Variants in CCDC61 observed in about 807,000 individuals in gnomAD.
CCDC61 encodes the protein coiled-coil domain containing 61.
Under a neutral mutation model 63.0 loss-of-function variants are expected in CCDC61, and 55 were observed. The ratio of observed to expected loss-of-function variants is 0.87; its 90% confidence interval spans 0.70 to 1.09. CCDC61 has a LOEUF of 1.09. Ranked by LOEUF, CCDC61 falls within the 50% of genes least tolerant of loss-of-function variation. CCDC61 has a pLI of 0.00. For missense variants in CCDC61, 651 were observed against 731.4 expected, an observed-to-expected ratio of 0.89 and a Z score of 1.27; for synonymous variants, 270 against 317.0, an observed-to-expected ratio of 0.85 and a Z score of 1.58.
At chr19:46,012,723 C>T (rs768580002) in intron 5 of CCDC61, among the ~76,000 whole-genome samples, 2 of 152,096 alleles carry the variant, frequency 1.3e-5, no homozygotes, top group Non-Finnish European at 2.9e-5. Context: ...CGGGAGAGAC[C>T]CTCCTGCCCC....
chr19:46,017,258 G>T lies in CCDC61; in HGVS notation c.1322G>T (p.Arg441Leu), dbSNP rs765485023. Residue 441 changes from arginine (R) to leucine (L), a missense_variant, in exon 12 of 14, where the codon CGC (arginine) becomes CTC (leucine). Arg to Leu is a moderately radical substitution (Grantham distance 102). Transcript: ENST00000595358. ...SESLSRGGHR[R>L]RGKPPSPTPW... ...CTCCTTTTTCTCAGGGGTCACCGCC[G>T]CCGTGGGAAGCCTCCCAGCCCAACG... 9.5e-5 allele frequency: 148 copies of T among 1,564,396 alleles called. No individual in the cohort carries two copies. The highest frequency in any genetic ancestry group is 1.2e-4 in the Non-Finnish European group (140 of 1,154,128).
At position 46,018,227 on chromosome 19, in the gene CCDC61, G is replaced by C. The variant is rs765765329; in HGVS notation, c.1442-63G>C. 1 of 1,542,676 alleles carries C rather than the reference G, an allele frequency of 6.5e-7. No homozygotes were observed. Among genetic ancestry groups the C allele is most frequent in the South Asian group, 1.2e-5 (1 of 84,194 alleles). Reference sequence around the variant, plus strand: ...GGTAGTGCGGGCAGTGGTATATTGGGCCCAGGAACTCCCTGGGGCTTCAGG... The same window carrying C: ...GGTAGTGCGGGCAGTGGTATATTGGCCCCAGGAACTCCCTGGGGCTTCAGG... On this transcript the variant is annotated intron_variant, in intron 13 of 13. Transcript: ENST00000595358. This position sits in a 1 kb window ranked among gnomAD's most constrained non-coding sequence, Gnocchi z 4.2.
chr19:46,004,445 A>G (rs1003738912), intron 3 of CCDC61, among the ~76,000 whole-genome samples: 4 of 152,114 alleles, frequency 2.6e-5, no homozygotes, highest in African/African-American at 9.7e-5. Flanking sequence ...GAAAAAATAC[A>G]TAATGTCAGG....
Position 46,017,024 on chromosome 19 carries a change from G to A in CCDC61, c.1265G>A (p.Ser422Asn). ...TTCCGCAGCCGCTGCTCGTCTGCCA[G>A]CTCCTGCAGCGATTTGGAGGATTTC... ...DSFRSRCSSA[S>N]SCSDLEDFSE... is the part of the protein sequence containing the mutation. Residue 422 changes from serine to asparagine, a missense_variant, in exon 11 of 14, where the codon AGC becomes AAC. Transcript: ENST00000595358. 1 of 1,612,660 alleles carries A rather than the reference G, an allele frequency of 6.2e-7. No individual in the cohort carries two copies. Among genetic ancestry groups the A allele is most frequent in the East Asian group, 2.2e-5 (1 of 44,874 alleles).
At chr19:46,004,835 CTTTT>C (rs748867869) in intron 3 of CCDC61, among the ~76,000 whole-genome samples, 36 of 95,264 alleles carry the variant, frequency 3.8e-4, no homozygotes, top group East Asian at 6.7e-4. Flanking sequence ...ATTTAGATAT[CTTTT>C]TTTTTTTTTT....
At chr19:46,003,528 T>C in intron 3 of CCDC61, 27 bp downstream of exon 3, 1 of 883,180 alleles carries the variant, frequency 1.1e-6, no homozygotes, top group Non-Finnish European at 1.7e-6. Flanking sequence ...CGGGTTGGGG[T>C]GGGAGGGGGG....
chr19:46,008,301 AGT>A lies in CCDC61; in HGVS notation c.551+2_551+3del. The A allele has an allele frequency of 2.3e-6, 3 of 1,308,842 alleles. No individual in the cohort carries two copies. Among genetic ancestry groups the A allele is most frequent in the South Asian group, 2.4e-5 (2 of 82,784 alleles). 81.1% of individuals were successfully genotyped at this position (1,308,842 alleles called of 1,614,324 possible). ...AATGAGATCTGGCATCTGCGGGAGC[AGT>A]GAGTCTTGGAGGGGTGGGCAGCTGG... On this transcript the variant is annotated splice_donor_variant, in intron 5 of 13. Transcript: ENST00000595358. LOFTEE classifies it high-confidence loss of function.
chr19:46,005,757 C>G (rs535426754), intron 3 of CCDC61, among the ~76,000 whole-genome samples: 5 of 150,510 alleles, frequency 3.3e-5, no homozygotes, highest in African/African-American at 1.2e-4. Flanking sequence ...CCAGATAGCC[C>G]GAGTCTAAAT....
At chr19:46,004,402 C>T (rs527448323) in intron 3 of CCDC61, among the ~76,000 whole-genome samples, 2 of 152,296 alleles carry the variant, frequency 1.3e-5, no homozygotes, top group South Asian at 4.1e-4. Context: ...CCCCTGTCCT[C>T]ATGAGGCTGA....
Position 46,010,726 on chromosome 19 carries a change from C to G in CCDC61, c.551+2425C>G, listed in dbSNP as rs1968811739. 1.3e-5 allele frequency among the ~76,000 whole-genome samples: 2 copies of G among 152,238 alleles called. 1 individual carries two copies. Among genetic ancestry groups the G allele is most frequent in the South Asian group, 4.1e-4 (2 of 4,836 alleles). On this transcript the variant is annotated intron_variant, in intron 5 of 13. Coordinates refer to ENST00000595358, the MANE Select transcript of CCDC61 (RefSeq NM_001267723.2). The stretch of plus-strand genomic sequence containing the variant: ...TAAACAGTAGTATAATTTGCACGTA[C>G]TTGTCCCCCAGCTTCAACAGTTACC...
In CCDC61 at chr19:46,003,172, T is replaced by G; in HGVS notation, c.148+6T>G. ...GGGCGAGTTCGATGCTGGCTGTGAG[T>G]GTGCCTGCCTGGGGTGGGCTCACCT... On this transcript the variant is annotated splice_donor_region_variant and intron_variant, in intron 2 of 13. Coordinates refer to ENST00000595358, the MANE Select transcript of CCDC61 (RefSeq NM_001267723.2). 1 of 1,601,580 alleles carries G rather than the reference T, an allele frequency of 6.2e-7. No individual in the cohort carries two copies. The highest frequency in any genetic ancestry group is 8.5e-7 in the Non-Finnish European group (1 of 1,172,744).
At chr19:45,999,779 G>A (rs1968557214) in intron 1 of CCDC61, among the ~76,000 whole-genome samples, 1 of 152,090 alleles carries the variant, frequency 6.6e-6, no homozygotes, top group South Asian at 2.1e-4. Context: ...TGAAACACTG[G>A]GTGTAAGTGT....
At position 45,995,531 on chromosome 19, in the gene CCDC61, C is replaced by A. The variant is rs190756880; in HGVS notation, c.-12+27C>A. The A allele has an allele frequency of 7.4e-3, 3,697 of 502,854 alleles. 21 individuals carry two copies. Among genetic ancestry groups the A allele is most frequent in the Middle Eastern group, 0.016 (45 of 2,740 alleles). 31.1% of individuals were successfully genotyped at this position (502,854 alleles called of 1,614,324 possible). A position where few individuals can be genotyped will look rare whatever the true frequency, so the allele number is the denominator to read the frequency against. On this transcript the variant is annotated intron_variant, in intron 1 of 13. Transcript: ENST00000595358. ...TGAGAGGCCGCGGGAGTGGCGGTTG[C>A]GCGGGCCGTGGTGGAGGTCTTAGGT...
Position 46,016,133 on chromosome 19 carries a change from G to A in CCDC61, c.925G>A (p.Gly309Ser), listed in dbSNP as rs1968927789. ...GTCCCGGGAGCGCTCCGCGTCGCGA[G>A]GCCGCGGCGCCGCGCGCTCCTCATC... The part of the protein sequence containing the change: ...SSSRERSASR[G>S]RGAARSSSRE... The change falls in exon 8 of 14, where the codon GGC becomes AGC. Residue 309 changes from glycine to serine, a missense_variant. Gly to Ser is a moderately conservative substitution (Grantham distance 56). Transcript: ENST00000595358. The surrounding 1 kb of genome is among the most constrained non-coding windows in gnomAD (Gnocchi z 7.2). 4 of 1,243,534 alleles carry A rather than the reference G, an allele frequency of 3.2e-6. No individual in the cohort carries two copies. The highest frequency in any genetic ancestry group is 4.2e-5 in the Admixed American group (1 of 23,638). 77.0% of individuals were successfully genotyped at this position (1,243,534 alleles called of 1,614,324 possible). A position where few individuals can be genotyped will look rare whatever the true frequency, so the allele number is the denominator to read the frequency against.
chr19:46,000,985 C>T (rs1163947557), intron 1 of CCDC61, among the ~76,000 whole-genome samples: 1 of 150,906 alleles, frequency 6.6e-6, no homozygotes, highest in Non-Finnish European at 1.5e-5. Flanking sequence ...TTGGGGACCA[C>T]GAGTGGGGGC....
At chr19:46,000,075 G>T in intron 1 of CCDC61, 1 of 985,192 alleles carries the variant, frequency 1.0e-6, no homozygotes, top group African/African-American at 1.7e-5. Flanking sequence ...GACAGGGTCA[G>T]CGGCGGGAGG....
Position 46,008,205 on chromosome 19 carries a change from T to C in CCDC61, c.455T>C (p.Ile152Thr). 1.2e-6 allele frequency: 2 copies of C among 1,613,028 alleles called. No homozygotes were observed. Among genetic ancestry groups the C allele is most frequent in the South Asian group, 2.2e-5 (2 of 90,764 alleles). ...GACCCCGTGGTTCTGCAGGGCATCA[T>C]CCGGTCACTGAAGGAGGAACTGGGC... ...KPDPVVLQGIIRSLKEELGRL... is the reference protein window; with the variant it reads ...KPDPVVLQGITRSLKEELGRL... Residue 152 changes from isoleucine (I) to threonine (T), a missense_variant, in exon 5 of 14, where the codon ATC becomes ACC. Ile to Thr is a moderately conservative substitution (Grantham distance 89). Transcript: ENST00000595358.
chr19:46,009,925 G>A (rs1010693), intron 5 of CCDC61, among the ~76,000 whole-genome samples: 1 of 151,976 alleles, frequency 6.6e-6, no homozygotes, highest in African/African-American at 2.4e-5. Flanking sequence ...GGCCACAAGG[G>A]GGCGCCCTCC....
intron 3 of CCDC61, among the ~76,000 whole-genome samples, chr19:46,004,435 GA>G (rs1225243953): frequency 1.3e-5 from 2 of 151,912 alleles, no homozygotes; most frequent in East Asian, 3.9e-4. Context: ...ACAGACAAAT[GA>G]AAAAATACAT....
Sources: allele counts gnomAD v4.1 joint callset (sites outside exome capture counted in the v4.1 genomes callset), GRCh38; gene constraint gnomAD v4.1.1; non-coding constraint Gnocchi (gnomAD v3.1); transcripts MANE v1.5; gene names NCBI Gene and HGNC (gene_info 2026-07-23, HGNC 2026-07-21).